Variants in HMG20B observed in about 807,000 individuals in gnomAD.
HMG20B encodes the protein high mobility group 20B, also known as SWI/SNF-related matrix-associated actin-dependent regulator of chromatin subfamily E member 1-related.
HMG20B carries 24 observed loss-of-function variants against 41.6 expected under a neutral mutation model. That is an observed-to-expected ratio of 0.58 (90% CI 0.42 to 0.81). The LOEUF (loss-of-function observed/expected upper bound fraction) is 0.81, where lower values mean the gene tolerates loss of function less well. Among genes scored for constraint, HMG20B ranks in the 30% least tolerant of loss-of-function variants. HMG20B has a pLI of 0.00. For missense variants in HMG20B, 461 were observed against 444.0 expected (o/e 1.04, Z -0.34); for synonymous variants, 251 against 186.6 (o/e 1.34, Z -2.81).
In HMG20B at chr19:3,573,771, G is replaced by C. The variant is rs2032093967; in HGVS notation, c.118G>C (p.Ala40Pro). ...VKQERGEGPR[A>P]GEKGSHEEEP... Reference sequence around the variant, plus strand: ...GCAAGAGCGCGGCGAGGGTCCACGCGCGGGCGAGAAGGGGTCCCACGAGGA... The same window carrying C: ...GCAAGAGCGCGGCGAGGGTCCACGCCCGGGCGAGAAGGGGTCCCACGAGGA... The change falls in exon 3 of 10, where the codon GCG (alanine) becomes CCG (proline). Residue 40 changes from alanine (A) to proline (P), a missense_variant. Ala to Pro is a conservative substitution (Grantham distance 27, BLOSUM62 -1). Around this residue, in one of 3 missense-constraint regions of HMG20B, gnomAD observed 104 missense variants for 76.5 expected, o/e 1.36. Transcript: ENST00000333651. 1 of 1,567,536 alleles carries C rather than the reference G, an allele frequency of 6.4e-7. No individual in the cohort carries two copies. Among genetic ancestry groups the C allele is most frequent in the African/African-American group, 1.4e-5 (1 of 72,312 alleles).
chr19:3,577,744 T>C (rs1421435889), intron 8 of HMG20B, among the ~76,000 whole-genome samples: 1 of 145,978 alleles, frequency 6.9e-6, no homozygotes, highest in Non-Finnish European at 1.5e-5. Context: ...TCCGTGACTG[T>C]CCTCAGCGGA....
chr19:3,577,907 C>A (rs1049955894), intron 8 of HMG20B, 74 bp from the exon 9 acceptor site: 1 of 1,397,368 alleles, frequency 7.2e-7, no homozygotes, highest in Admixed American at 2.1e-5. Flanking sequence ...TGAGTCACCC[C>A]CTACCGCTGC....
At chr19:3,573,386 T>G in intron 2 of HMG20B, 39 bp downstream of exon 2, 4 of 1,498,224 alleles carry the variant, frequency 2.7e-6, no homozygotes, top group Non-Finnish European at 3.6e-6. Flanking sequence ...CTCGCTACTT[T>G]CCCGGCTGCA....
At chr19:3,573,243 C>T in intron 1 of HMG20B, 49 bp from the exon 2 acceptor site, 1 of 1,461,550 alleles carries the variant, frequency 6.8e-7, no homozygotes, top group East Asian at 2.8e-5. Flanking sequence ...CGCGGTCTGC[C>T]ATCGGGCAGC....
In HMG20B at chr19:3,573,342, C is replaced by T; in HGVS notation, c.33C>T (p.Ala11=). MSHGPKQPGA[A]AAPAGGKAPG... is the part of the protein sequence containing the mutation. ...ACGGCCCCAAGCAGCCCGGCGCGGCCGCCGCGTGAGTGCACTGATCCCCTC... is the reference window on the plus strand; with the variant it reads ...ACGGCCCCAAGCAGCCCGGCGCGGCTGCCGCGTGAGTGCACTGATCCCCTC... Residue 11 remains alanine, a synonymous_variant, in exon 2 of 10, where the codon GCC becomes GCT. Transcript: ENST00000333651. 2.0e-6 allele frequency: 3 copies of T among 1,536,666 alleles called. No individual in the cohort carries two copies. Among genetic ancestry groups the T allele is most frequent in the Non-Finnish European group, 2.6e-6 (3 of 1,144,036 alleles).
chr19:3,576,340 G>T, intron 6 of HMG20B, 33 bp downstream of exon 6: 1 of 1,606,522 alleles, frequency 6.2e-7, no homozygotes, highest in Non-Finnish European at 8.5e-7. Flanking sequence ...AAGCACCTGG[G>T]GGAGAAAGGT....
chr19:3,576,518 C>T (rs1435896790), intron 6 of HMG20B, 35 bp from the exon 7 acceptor site: 1 of 1,588,344 alleles, frequency 6.3e-7, no homozygotes, highest in Admixed American at 1.7e-5. Context: ...TGCCTCCTAC[C>T]ACCAGTAAAT....
intron 8 of HMG20B, 136 bp downstream of exon 8, chr19:3,577,243 C>A: frequency 1.5e-6 from 1 of 646,454 alleles, no homozygotes; most frequent in Non-Finnish European, 2.5e-6. Context: ...AGTCACCCGG[C>A]CCCGCCTATC....
Position 3,574,564 on chromosome 19 carries a change from A to G in HMG20B, c.329A>G (p.Lys110Arg). 1 of 1,601,386 alleles carries G rather than the reference A, an allele frequency of 6.2e-7. No homozygotes were observed. Among genetic ancestry groups the G allele is most frequent in the Non-Finnish European group, 8.5e-7 (1 of 1,175,860 alleles). Residue 110 changes from lysine (K) to arginine (R), a missense_variant, in exon 4 of 10, where the codon AAG (lysine) becomes AGG (arginine). Lys to Arg is a conservative substitution (Grantham distance 26, BLOSUM62 2). This residue lies in a region of HMG20B where 308 missense variants were observed against 283.4 expected (regional missense o/e 1.09). Transcript: ENST00000333651. ...AAGATGCTGGGCGCCGAGTGGAGCA[A>G]GCTGCAGCCAACGGAAAAGCAGGTG... ...ITKMLGAEWS[K>R]LQPTEKQRYL...
chr19:3,578,476 G>A, intron 9 of HMG20B, 33 bp from the exon 10 acceptor site: 6 of 1,506,520 alleles, frequency 4.0e-6, no homozygotes, highest in East Asian at 4.8e-5. Context: ...AGATGATGAG[G>A]GCCTCATCCC....
At chr19:3,577,938 G>T (rs1198278418) in intron 8 of HMG20B, 43 bp from the exon 9 acceptor site, 1 of 1,524,514 alleles carries the variant, frequency 6.6e-7, no homozygotes, top group Non-Finnish European at 8.8e-7. Context: ...CCCGCCCCGC[G>T]ACTCCCCGGC....
intron 8 of HMG20B, among the ~76,000 whole-genome samples, chr19:3,577,675 G>A (rs1395088028): frequency 2.2e-5 from 2 of 91,494 alleles, no homozygotes; most frequent in Non-Finnish European, 4.4e-5. Flanking sequence ...CCCCAGTCAC[G>A]TCCCACGCGA....
chr19:3,579,065 A>G lies in HMG20B; in HGVS notation c.*544A>G. The G allele has an allele frequency of 3.0e-6, 1 of 336,584 alleles. No homozygotes were observed. The highest frequency in any genetic ancestry group is 2.3e-5 in the South Asian group (1 of 43,404). The allele number at this position is 336,584 out of a possible 1,614,324, so 20.8% of individuals were successfully genotyped here. ...GATCCGGACTTTTTAAATAAAAACA[A>G]GTAAAATTTGTGTTTTAAGCTTGTG... On this transcript the variant is annotated 3_prime_UTR_variant, in exon 10 of 10. Coordinates refer to ENST00000333651, the MANE Select transcript of HMG20B (RefSeq NM_006339.3). This position sits in a 1 kb window ranked among gnomAD's most constrained non-coding sequence, Gnocchi z 7.4.
chr19:3,578,275 T>A, intron 9 of HMG20B, 162 bp downstream of exon 9: 1 of 1,173,360 alleles, frequency 8.5e-7, no homozygotes, highest in Non-Finnish European at 1.2e-6. Flanking sequence ...GCACCAGTGC[T>A]AGGATGGCCA....
At position 3,573,713 on chromosome 19, in the gene HMG20B, G is replaced by A. The variant is rs773667473; in HGVS notation, c.60G>A (p.Pro20=). The A allele has an allele frequency of 3.3e-6, 5 of 1,511,620 alleles. No individual in the cohort carries two copies. Among genetic ancestry groups the A allele is most frequent in the African/African-American group, 1.4e-5 (1 of 70,356 alleles). 93.6% of individuals were successfully genotyped at this position (1,511,620 alleles called of 1,614,324 possible). ...CCAGGCCGGCGGGCGGCAAGGCTCCGGGCCAGCATGGGGGCTTCGTGGTGA... is the reference window on the plus strand; with the variant it reads ...CCAGGCCGGCGGGCGGCAAGGCTCCAGGCCAGCATGGGGGCTTCGTGGTGA... ...AAAAPAGGKA[P]GQHGGFVVTV... is the part of the protein sequence containing the mutation. Residue 20 remains proline, a synonymous_variant, in exon 3 of 10, where the codon CCG becomes CCA. Transcript: ENST00000333651.
chr19:3,576,176 C>A (rs1240715718), intron 5 of HMG20B, 85 bp from the exon 6 acceptor site: 2 of 1,227,676 alleles, frequency 1.6e-6, no homozygotes, highest in African/African-American at 1.5e-5. Context: ...GGAGCTGGAG[C>A]CGGCTGAGCA....
intron 2 of HMG20B, 93 bp downstream of exon 2, chr19:3,573,440 C>G (rs1354409663): frequency 1.7e-5 from 22 of 1,313,916 alleles, no homozygotes; most frequent in Non-Finnish European, 2.1e-5. Context: ...CCGCCGGAGT[C>G]TTGACTCCCC....
chr19:3,574,575 A>T lies in HMG20B; in HGVS notation c.340A>T (p.Thr114Ser), dbSNP rs762900877. The T allele has an allele frequency of 6.3e-7, 1 of 1,599,126 alleles. No individual in the cohort carries two copies. Among genetic ancestry groups the T allele is most frequent in the East Asian group, 2.2e-5 (1 of 44,446 alleles). The change falls in exon 4 of 10, where the codon ACG becomes TCG. Residue 114 changes from threonine (T) to serine (S), a missense_variant. By Grantham distance (58) the Thr-to-Ser change is moderately conservative (BLOSUM62 1). Transcript: ENST00000333651. ...CGCCGAGTGGAGCAAGCTGCAGCCA[A>T]CGGAAAAGCAGGTGGGCGGGGCGGG... ...LGAEWSKLQP[T>S]EKQRYLDEAE...
chr19:3,573,501 C>G (rs1160911105), intron 2 of HMG20B, 154 bp downstream of exon 2: 15 of 932,884 alleles, frequency 1.6e-5, no homozygotes, highest in Non-Finnish European at 2.3e-5. Flanking sequence ...CCCCCCACCT[C>G]GGCCTCCAGT....
Sources: allele counts gnomAD v4.1 joint callset (sites outside exome capture counted in the v4.1 genomes callset), GRCh38; gene constraint gnomAD v4.1.1; regional missense constraint gnomAD v4.1.1; non-coding constraint Gnocchi (gnomAD v3.1); transcripts MANE v1.5; gene names NCBI Gene and HGNC (gene_info 2026-07-23, HGNC 2026-07-21).